The following DHRSX variants were observed in gnomAD, a reference collection of about 807,000 sequenced individuals.
DHRSX encodes the protein dehydrogenase/reductase X-linked, also known as polyprenol dehydrogenase.
A neutral mutation model predicts 34.0 loss-of-function variants in DHRSX; 31 were observed. That is an observed-to-expected ratio of 0.91 (90% confidence interval 0.69 to 1.23). The LOEUF is 1.23. DHRSX is among the 50% of genes most tolerant of loss of function. The pLI is 0.00. For synonymous variants in DHRSX, 201 were observed against 183.8 expected, an observed-to-expected ratio of 1.09 and a Z score of -0.76; for missense variants, 414 against 428.1, an observed-to-expected ratio of 0.97 and a Z score of 0.29.
chrX:2,380,907 C>G (rs2043194669), intron 3 of DHRSX, among the ~76,000 whole-genome samples: 1 of 152,194 alleles, frequency 6.6e-6, no homozygotes, highest in Admixed American at 6.5e-5. Context: ...ACACAGTCGC[C>G]AGGCTGGAGT....
At chrX:2,471,865 G>C (rs2044598440) in intron 1 of DHRSX, among the ~76,000 whole-genome samples, 1 of 152,102 alleles carries the variant, frequency 6.6e-6, no homozygotes, top group Non-Finnish European at 1.5e-5. Flanking sequence ...AATGGGATTG[G>C]TTGGGTGTGG....
At position 2,291,490 on chromosome X, in the gene DHRSX, A is replaced by C. The variant is rs1226072745; in HGVS notation, c.388+12T>G. 2.7e-5 allele frequency: 43 copies of C among 1,606,298 alleles called. No homozygotes were observed. Among genetic ancestry groups the C allele is most frequent in the Non-Finnish European group, 3.4e-5 (40 of 1,173,484 alleles). On this transcript the variant is annotated intron_variant, in intron 4 of 6. Coordinates refer to ENST00000334651, the MANE Select transcript of DHRSX (RefSeq NM_145177.3). The stretch of plus-strand genomic sequence containing the variant: ...TTAACCCCTGGCTTGCTGCAATTTC[A>C]CCAGGACTCACCATTGTTGATCAGG...
chrX:2,368,812 T>C (rs2043024091), intron 3 of DHRSX, among the ~76,000 whole-genome samples: 2 of 152,120 alleles, frequency 1.3e-5, no homozygotes, highest in Admixed American at 1.3e-4. Flanking sequence ...ATTGTGCCAC[T>C]GAACTCCAGC....
chrX:2,390,763 A>G (rs2043326491), intron 3 of DHRSX, among the ~76,000 whole-genome samples: 1 of 152,126 alleles, frequency 6.6e-6, no homozygotes, highest in South Asian at 2.1e-4. Context: ...GGTTTATTTC[A>G]CTTAGCATTA....
At chrX:2,497,163 A>T (rs2045306447) in intron 1 of DHRSX, among the ~76,000 whole-genome samples, 2 of 152,142 alleles carry the variant, frequency 1.3e-5, no homozygotes, top group African/African-American at 4.8e-5. Flanking sequence ...TGGGATGCCA[A>T]GGTGGACTAT....
intron 3 of DHRSX, among the ~76,000 whole-genome samples, chrX:2,314,915 T>C (rs919472461): frequency 2.0e-5 from 3 of 152,116 alleles, no homozygotes; most frequent in Middle Eastern, 3.2e-3. Flanking sequence ...CTCAGCACCT[T>C]GGGATGCCAA....
Position 2,478,609 on chromosome X carries a change from C to A in DHRSX, c.109+22208G>T, listed in dbSNP as rs28470786. Among the ~76,000 whole-genome samples the A allele has an allele frequency of 1.2e-3, 183 of 149,756 alleles. 1 individual carries two copies. Among genetic ancestry groups the A allele is most frequent in the East Asian group, 2.4e-3 (12 of 5,036 alleles). ...AACAGCACTGAAGACATTCCCTAAGCATGTGGTTGAGGGACCGCACTGAAG... is the reference window on the plus strand; with the variant it reads ...AACAGCACTGAAGACATTCCCTAAGAATGTGGTTGAGGGACCGCACTGAAG... On this transcript the variant is annotated intron_variant, in intron 1 of 6. Transcript: ENST00000334651.
intron 3 of DHRSX, among the ~76,000 whole-genome samples, chrX:2,331,095 TCA>T (rs2042466739): frequency 6.6e-6 from 1 of 152,168 alleles, no homozygotes; most frequent in Admixed American, 6.6e-5. Flanking sequence ...TGGAGAGGCC[TCA>T]GTTTTCTCAT....
At chrX:2,342,454 T>C (rs2124563612) in intron 3 of DHRSX, among the ~76,000 whole-genome samples, 1 of 152,050 alleles carries the variant, frequency 6.6e-6, no homozygotes, top group Admixed American at 6.6e-5. Context: ...TGACCATGAG[T>C]TCGACGGTGC....
intron 4 of DHRSX, among the ~76,000 whole-genome samples, chrX:2,283,623 TCA>T (rs1328057527): frequency 1.3e-5 from 2 of 152,080 alleles, no homozygotes; most frequent in Non-Finnish European, 2.9e-5. Flanking sequence ...CCACTGCACC[TCA>T]GTCTTCTGTT....
At chrX:2,448,770 C>G (rs1278477206) in intron 1 of DHRSX, among the ~76,000 whole-genome samples, 1 of 152,136 alleles carries the variant, frequency 6.6e-6, no homozygotes, top group Non-Finnish European at 1.5e-5. Context: ...CAAAACAAGT[C>G]CCAGTTTTGA....
intron 3 of DHRSX, among the ~76,000 whole-genome samples, chrX:2,305,120 T>C (rs1451898619): frequency 1.3e-5 from 2 of 151,624 alleles, no homozygotes; most frequent in African/African-American, 4.8e-5. Context: ...AACCAAACAC[T>C]GTACACTCTC....
chrX:2,322,115 A>AC (rs991661907), intron 3 of DHRSX, among the ~76,000 whole-genome samples: 5 of 132,396 alleles, frequency 3.8e-5, no homozygotes, highest in African/African-American at 8.5e-5. Flanking sequence ...TTTATCCCTC[A>AC]CCCCCCTCCC....
intron 2 of DHRSX, among the ~76,000 whole-genome samples, chrX:2,418,944 C>G (rs931589559): frequency 2.0e-5 from 3 of 152,100 alleles, no homozygotes; most frequent in African/African-American, 7.2e-5. Context: ...TACATCTTGT[C>G]TCTAATTTAC....
At chrX:2,387,326 C>A (rs1177832403) in intron 3 of DHRSX, among the ~76,000 whole-genome samples, 3 of 152,178 alleles carry the variant, frequency 2.0e-5, no homozygotes, top group African/African-American at 7.2e-5. Flanking sequence ...TCAGGGTTCT[C>A]TAGAGGGACA....
intron 6 of DHRSX, among the ~76,000 whole-genome samples, chrX:2,227,020 C>T (rs1479446945): frequency 1.3e-5 from 2 of 150,798 alleles, no homozygotes; most frequent in African/African-American, 4.9e-5. Context: ...CCTCAGTTTT[C>T]CCTCCGGAGG....
intron 1 of DHRSX, among the ~76,000 whole-genome samples, chrX:2,460,171 C>G (rs1221617313): frequency 1.3e-5 from 2 of 152,088 alleles, no homozygotes; most frequent in African/African-American, 4.8e-5. Flanking sequence ...GATGACCTTC[C>G]AGTGAGCACA....
At chrX:2,326,131 C>T (rs1386535921) in intron 3 of DHRSX, among the ~76,000 whole-genome samples, 3 of 152,174 alleles carry the variant, frequency 2.0e-5, no homozygotes, top group Admixed American at 6.6e-5. Context: ...TGGAATTGTG[C>T]TTGTCTAGGA....
chrX:2,247,119 T>C lies in DHRSX; in HGVS notation c.597-3889A>G, dbSNP rs140598951. Among the ~76,000 whole-genome samples, 47 of 152,152 alleles carry C rather than the reference T, an allele frequency of 3.1e-4. 3 individuals carry two copies. The East Asian group carries it at 9.2e-3, about 30-fold the overall frequency. On this transcript the variant is annotated intron_variant, in intron 5 of 6. Transcript: ENST00000334651. ...ATACACCACCATGCCCAGATAATTTTTGCATTTTTAGTAGAGACGGGGTTT... is the reference window on the plus strand; with the variant it reads ...ATACACCACCATGCCCAGATAATTTCTGCATTTTTAGTAGAGACGGGGTTT...
Sources: allele counts gnomAD v4.1 joint callset (sites outside exome capture counted in the v4.1 genomes callset), GRCh38; gene constraint gnomAD v4.1.1; transcripts MANE v1.5; gene names NCBI Gene and HGNC (gene_info 2026-07-23, HGNC 2026-07-21).